POMT2: variants seen among roughly 807,000 people sequenced by gnomAD.
POMT2 encodes protein O-mannosyl-transferase 2.
POMT2 carries 75 observed loss-of-function variants against 100.0 expected under a neutral mutation model. The ratio of observed to expected loss-of-function variants is 0.75; its 90% CI spans 0.62 to 0.91. The LOEUF is 0.91. Ranked by LOEUF, POMT2 falls within the 40% of genes least tolerant of loss-of-function variation. The pLI is 0.00. For missense variants in POMT2, 940 were observed against 955.1 expected, an observed-to-expected ratio of 0.98 and a Z score of 0.21; for synonymous variants, 378 against 374.1, an observed-to-expected ratio of 1.01 and a Z score of -0.12.
At chr14:77,320,411 G>C in intron 1 of POMT2, 23 bp downstream of exon 1, 3 of 1,545,508 alleles carry the variant, frequency 1.9e-6, no homozygotes, top group Non-Finnish European at 2.6e-6. Context: ...CATGGTGCCC[G>C]CCGAGTCCCT....
chr14:77,280,240 A>T, intron 16 of POMT2, 152 bp downstream of exon 16: 2 of 1,556,148 alleles, frequency 1.3e-6, no homozygotes, highest in South Asian at 2.3e-5. Flanking sequence ...GGTCAGAATT[A>T]GGGCAGAAAA....
intron 1 of POMT2, among the ~76,000 whole-genome samples, chr14:77,317,840 A>T (rs1891685717): frequency 6.6e-6 from 1 of 152,216 alleles, no homozygotes; most frequent in Non-Finnish European, 1.5e-5. Flanking sequence ...TGTAATTCAG[A>T]CTTAATTCTA....
chr14:77,298,673 G>T lies in POMT2; in HGVS notation c.1006+16C>A. ...CCCTCTGCCTTCTACCTTTGTAATG[G>T]CCCAGAGACACTCACGTTCAGGGAT... On this transcript the variant is annotated intron_variant, in intron 8 of 20. Coordinates refer to ENST00000261534, the MANE Select transcript of POMT2 (RefSeq NM_013382.7). 6.2e-7 allele frequency: 1 copy of T among 1,613,386 alleles called. No individual in the cohort carries two copies. Among genetic ancestry groups the T allele is most frequent in the Middle Eastern group, 1.6e-4 (1 of 6,062 alleles).
intron 6 of POMT2, chr14:77,299,830 C>T (rs1269137134): frequency 1.7e-5 from 7 of 420,710 alleles, no homozygotes; most frequent in Non-Finnish European, 3.1e-5. Flanking sequence ...GGACAAGGCA[C>T]CTGCATCTGC....
chr14:77,311,919 C>T, intron 2 of POMT2, 30 bp downstream of exon 2: 1 of 1,613,246 alleles, frequency 6.2e-7, no homozygotes, highest in African/African-American at 1.3e-5. Context: ...CCTCTGGGAC[C>T]AGAGAGCTGC....
At chr14:77,281,702 T>C (rs1228784285) in intron 15 of POMT2, among the ~76,000 whole-genome samples, 1 of 152,234 alleles carries the variant, frequency 6.6e-6, no homozygotes, top group East Asian at 1.9e-4. Flanking sequence ...GATGAGTCTT[T>C]GCTGTGAGGA....
intron 10 of POMT2, among the ~76,000 whole-genome samples, chr14:77,289,398 AAAG>A (rs772833793): frequency 1.2e-4 from 18 of 151,444 alleles, no homozygotes; most frequent in South Asian, 4.2e-4. Context: ...CTCCAAAAAA[AAAG>A]AAGAAGAAAA....
intron 14 of POMT2, chr14:77,284,400 A>T (rs901146000): frequency 5.3e-5 from 11 of 207,216 alleles, no homozygotes; most frequent in African/African-American, 2.6e-4. Context: ...GGTGGGAAGA[A>T]GAACAAAATG....
In POMT2 at chr14:77,301,163, A is replaced by C. The variant is rs1210612970; in HGVS notation, c.743T>G (p.Phe248Cys). ...GALGVKFVGLFIILQVGLNTI... is the reference protein window; with the variant it reads ...GALGVKFVGLCIILQVGLNTI... ...GTTCAGCCCCACTTGAAGGATGATA[A>C]AGAGGCCAACAAACTTGACCCCTAA... Residue 248 changes from phenylalanine to cysteine, a missense_variant, in exon 6 of 21, where the codon TTT becomes TGT. Transcript: ENST00000261534. 6.2e-7 allele frequency: 1 copy of C among 1,614,138 alleles called. No homozygotes were observed. Among genetic ancestry groups the C allele is most frequent in the African/African-American group, 1.3e-5 (1 of 74,950 alleles).
At chr14:77,293,787 G>A (rs1179571218) in intron 9 of POMT2, among the ~76,000 whole-genome samples, 1 of 152,090 alleles carries the variant, frequency 6.6e-6, no homozygotes, top group African/African-American at 2.4e-5. Context: ...TCCACACATG[G>A]GCTCTACGTA....
At chr14:77,296,320 A>G (rs1298977552) in intron 8 of POMT2, 47 bp from the exon 9 acceptor site, 1 of 1,373,380 alleles carries the variant, frequency 7.3e-7, no homozygotes, top group Non-Finnish European at 1.0e-6. Context: ...ACAGTGCCAG[A>G]GGCTGTCCGT....
At chr14:77,301,448 G>C (rs1356815583) in intron 5 of POMT2, among the ~76,000 whole-genome samples, 199 bp from the exon 6 acceptor site, 1 of 152,184 alleles carries the variant, frequency 6.6e-6, no homozygotes, top group East Asian at 1.9e-4. Flanking sequence ...GAAAAGCACT[G>C]TCTGAGGGCG....
chr14:77,291,266 C>T, intron 10 of POMT2, 48 bp downstream of exon 10: 2 of 1,572,874 alleles, frequency 1.3e-6, no homozygotes, highest in Non-Finnish European at 1.7e-6. Flanking sequence ...TTAAGGAGGG[C>T]TCAGAGGGAG....
chr14:77,306,567 T>C lies in POMT2; in HGVS notation c.334-126A>G, dbSNP rs1215078263. On this transcript the variant is annotated intron_variant, in intron 2 of 20. Coordinates refer to ENST00000261534, the MANE Select transcript of POMT2 (RefSeq NM_013382.7). The stretch of plus-strand genomic sequence containing the variant: ...CTTGACAACTGTCCATAGAAAATGT[T>C]GCCAATGCAACATTTTCTCCTGCAG... The C allele has an allele frequency of 1.5e-5, 16 of 1,068,988 alleles. No homozygotes were observed. In the Admixed American group the frequency reaches 3.4e-4, roughly 22 times the overall value. The allele number at this position is 1,068,988 out of a possible 1,614,324, so 66.2% of individuals were successfully genotyped here.
Position 77,320,434 on chromosome 14 carries a change from C to T in POMT2, c.248G>A (p.Cys83Tyr), listed in dbSNP as rs1410397712. The T allele has an allele frequency of 2.6e-6, 4 of 1,546,666 alleles. No homozygotes were observed. Among genetic ancestry groups the T allele is most frequent in the African/African-American group, 1.4e-5 (1 of 73,176 alleles). ...FHRLDEPPHICWDETHFGKMG... is the reference protein window; with the variant it reads ...FHRLDEPPHIYWDETHFGKMG... ...CCGCCGAGTCCCTCCCATCACTCAC[C>T]AGATGTGCGGCGGCTCGTCCAAGCG... Residue 83 changes from cysteine to tyrosine, a missense_variant and splice_region_variant, in exon 1 of 21, where the codon TGT (cysteine) becomes TAT (tyrosine). Coordinates refer to ENST00000261534, the MANE Select transcript of POMT2 (RefSeq NM_013382.7).
intron 1 of POMT2, among the ~76,000 whole-genome samples, chr14:77,316,455 T>TCAG (rs1445330049): frequency 6.6e-6 from 1 of 150,622 alleles, no homozygotes; most frequent in African/African-American, 2.5e-5. Context: ...GTGCCTGTAG[T>TCAG]GCCAGCTACT....
chr14:77,276,441 T>A lies in POMT2; in HGVS notation c.*935A>T, dbSNP rs897463477. 4.5e-4 allele frequency: 69 copies of A among 152,594 alleles called. No homozygotes were observed. Among genetic ancestry groups the A allele is most frequent in the Admixed American group, 4.4e-3 (67 of 15,284 alleles). 9.5% of individuals were successfully genotyped at this position (152,594 alleles called of 1,614,324 possible). On this transcript the variant is annotated 3_prime_UTR_variant, in exon 21 of 21. Coordinates refer to ENST00000261534, the MANE Select transcript of POMT2 (RefSeq NM_013382.7). The stretch of plus-strand genomic sequence containing the variant: ...ACATCCCAGCACCACGCAGATTCCC[T>A]GCCCTGTCTCTCATCTACCTTGGGC...
intron 8 of POMT2, among the ~76,000 whole-genome samples, chr14:77,297,400 C>G (rs1890871231): frequency 6.6e-6 from 1 of 152,184 alleles, no homozygotes; most frequent in African/African-American, 2.4e-5. Context: ...CAAATCACAG[C>G]TACTGCCACA....
In POMT2 at chr14:77,299,862, G is replaced by A. The variant is rs192990524; in HGVS notation, c.817-301C>T. 1.4e-4 allele frequency: 54 copies of A among 383,002 alleles called. 1 individual carries two copies. The highest frequency in any genetic ancestry group is 7.9e-4 in the South Asian group (37 of 46,982). The allele number at this position is 383,002 out of a possible 1,614,324, so 23.7% of individuals were successfully genotyped here. On this transcript the variant is annotated intron_variant, in intron 6 of 20. Coordinates refer to ENST00000261534, the MANE Select transcript of POMT2 (RefSeq NM_013382.7). ...CTGCAACACAGTTGCTCACCAGTCC[G>A]CTCCATGTTCCAGGTACACTAACCT...
Sources: gnomAD v4.1 joint callset for allele counts (sites outside exome capture counted in the v4.1 genomes callset) on GRCh38, gnomAD v4.1.1 for gene constraint, MANE v1.5 for transcripts, NCBI Gene and HGNC (gene_info 2026-07-23, HGNC 2026-07-21) for gene names.